Variants in ARHGAP5 observed in about 807,000 individuals in gnomAD.
ARHGAP5 encodes the protein Rho GTPase activating protein 5.
Under a neutral mutation model 116.6 loss-of-function variants are expected in ARHGAP5, and 23 were observed. That is an observed-to-expected ratio of 0.20 (90% CI 0.14 to 0.28). The LOEUF is 0.28. ARHGAP5 is among the 10% of genes least tolerant of loss of function. The probability of loss-of-function intolerance (pLI) is 1.00; values close to 1 mark genes in which losing one functional copy is unlikely to be tolerated. For synonymous variants in ARHGAP5, 574 were observed against 602.0 expected, an observed-to-expected ratio of 0.95 and a Z score of 0.68; for missense variants, 1,405 against 1,774.8, an observed-to-expected ratio of 0.79 and a Z score of 3.74.
In ARHGAP5 at chr14:32,117,179, A is replaced by G. The variant is rs765313140; in HGVS notation, c.3757A>G (p.Arg1253Gly). The G allele has an allele frequency of 3.1e-6, 5 of 1,611,868 alleles. No individual in the cohort carries two copies. Among genetic ancestry groups the G allele is most frequent in the Non-Finnish European group, 4.2e-6 (5 of 1,178,798 alleles). Residue 1253 changes from arginine to glycine, a missense_variant, in exon 3 of 7, where the codon AGA becomes GGA. Arg to Gly is a moderately radical substitution (Grantham distance 125, BLOSUM62 -2). Around this residue, in one of 6 missense-constraint regions of ARHGAP5, gnomAD observed 176 missense variants for 221.2 expected, o/e 0.80. Coordinates refer to ENST00000345122, the MANE Select transcript of ARHGAP5 (RefSeq NM_001030055.2). ...TAAGAACTTCAATCCACCAACACGT[A>G]GAAATTGGGAAAGTAATTACTTTGG... The part of the protein sequence containing the change: ...KTKNFNPPTR[R>G]NWESNYFGMP...
At position 32,142,704 on chromosome 14, in the gene ARHGAP5, G is replaced by A. The variant is rs562889248; in HGVS notation, c.3866-3559G>A. Among the ~76,000 whole-genome samples, 7 of 152,336 alleles carry A rather than the reference G, an allele frequency of 4.6e-5. No homozygotes were observed. The East Asian group carries it at 1.2e-3, about 25-fold the overall frequency. On this transcript the variant is annotated intron_variant, in intron 3 of 6. Coordinates refer to ENST00000345122, the MANE Select transcript of ARHGAP5 (RefSeq NM_001030055.2). ...GGCACTTGTGTAACCCACACCCACAGTGCAGGCTACTGTCCTCATGATTGT... is the reference window on the plus strand; with the variant it reads ...GGCACTTGTGTAACCCACACCCACAATGCAGGCTACTGTCCTCATGATTGT...
intron 1 of ARHGAP5, among the ~76,000 whole-genome samples, chr14:32,079,545 C>T (rs1478711433): frequency 1.3e-5 from 2 of 152,064 alleles, no homozygotes; most frequent in Admixed American, 6.6e-5. Context: ...TTATTTTGAC[C>T]TTGAAAGTTA....
At chr14:32,103,203 A>G (rs370894792) in intron 2 of ARHGAP5, among the ~76,000 whole-genome samples, 4 of 152,360 alleles carry the variant, frequency 2.6e-5, no homozygotes, top group Middle Eastern at 3.4e-3. Context: ...TTATGATAAC[A>G]TAAGTGTGGA....
rs368248198 is a variant in ARHGAP5 at position 32,118,478 on chromosome 14, CAG to C, written c.3865+1194_3865+1195del. On this transcript the variant is annotated intron_variant, in intron 3 of 6. Transcript: ENST00000345122. ...TGCCACCTGCACTCCAGCCTGGTGA[CAG>C]AGTGAGACTCCATCTCAAAAAAAAA... 3.0e-4 allele frequency among the ~76,000 whole-genome samples: 45 copies of C among 151,640 alleles called. No individual in the cohort carries two copies. The East Asian group carries it at 7.8e-3, about 26-fold the overall frequency.
At chr14:32,100,624 A>G (rs1323884802) in intron 2 of ARHGAP5, among the ~76,000 whole-genome samples, 1 of 152,240 alleles carries the variant, frequency 6.6e-6, no homozygotes, top group Non-Finnish European at 1.5e-5. Flanking sequence ...ATATGCAAAT[A>G]CTATACCATT....
intron 3 of ARHGAP5, among the ~76,000 whole-genome samples, chr14:32,121,566 G>T (rs1172347700): frequency 6.6e-6 from 1 of 152,078 alleles, no homozygotes; most frequent in Non-Finnish European, 1.5e-5. Flanking sequence ...GTTTTTGAAA[G>T]ATATTTTCTT....
At chr14:32,142,546 A>G (rs1881175356) in intron 3 of ARHGAP5, among the ~76,000 whole-genome samples, 1 of 152,222 alleles carries the variant, frequency 6.6e-6, no homozygotes, top group African/African-American at 2.4e-5. Flanking sequence ...TCTGGAGCCA[A>G]GGGAAAAACA....
At chr14:32,079,018 C>G (rs527243147) in intron 1 of ARHGAP5, among the ~76,000 whole-genome samples, 1 of 152,240 alleles carries the variant, frequency 6.6e-6, no homozygotes, top group African/African-American at 2.4e-5. Context: ...AATTGACCTC[C>G]ATTACCTTTA....
chr14:32,119,179 G>A (rs140307020), intron 3 of ARHGAP5, among the ~76,000 whole-genome samples: 2 of 151,918 alleles, frequency 1.3e-5, no homozygotes, highest in South Asian at 2.1e-4. Flanking sequence ...AATTGCCTAC[G>A]AGATTGTTTG....
At chr14:32,103,379 A>C (rs1245390022) in intron 2 of ARHGAP5, among the ~76,000 whole-genome samples, 1 of 152,184 alleles carries the variant, frequency 6.6e-6, no homozygotes, top group African/African-American at 2.4e-5. Context: ...TTAAGACTTA[A>C]TTGGAAAGAT....
Position 32,156,255 on chromosome 14 carries a change from C to T in ARHGAP5, c.*1307C>T, listed in dbSNP as rs1881888214. 1 of 152,282 alleles carries T rather than the reference C, an allele frequency of 6.6e-6. No individual in the cohort carries two copies. The highest frequency in any genetic ancestry group is 1.5e-5 in the Non-Finnish European group (1 of 67,850). 9.4% of individuals were successfully genotyped at this position (152,282 alleles called of 1,614,324 possible). A position where few individuals can be genotyped will look rare whatever the true frequency, so the allele number is the denominator to read the frequency against. On this transcript the variant is annotated 3_prime_UTR_variant, in exon 7 of 7. Coordinates refer to ENST00000345122, the MANE Select transcript of ARHGAP5 (RefSeq NM_001030055.2). The stretch of plus-strand genomic sequence containing the variant: ...GAATAGGTGGCACAGGTAAATTTCA[C>T]TAGGTTATATTTTGTGTAGTAAAGA...
Position 32,093,492 on chromosome 14 carries a change from A to G in ARHGAP5, c.2823A>G (p.Lys941=). The G allele has an allele frequency of 1.2e-6, 2 of 1,612,666 alleles. No individual in the cohort carries two copies. Among genetic ancestry groups the G allele is most frequent in the African/African-American group, 1.3e-5 (1 of 74,858 alleles). The part of the protein sequence containing the change: ...FTLFFSDVLE[K]KNMIENSYLS... ...TGTTTTTTAGTGATGTTCTAGAGAA[A>G]AAAAATATGATAGAAAATTCTTATT... The change falls in exon 2 of 7, where the codon AAA becomes AAG. Residue 941 remains lysine (K), a synonymous_variant. Coordinates refer to ENST00000345122, the MANE Select transcript of ARHGAP5 (RefSeq NM_001030055.2).
chr14:32,078,576 A>ACTTTACTTCGC (rs1257991855), intron 1 of ARHGAP5, among the ~76,000 whole-genome samples: 1 of 152,034 alleles, frequency 6.6e-6, no homozygotes, highest in Non-Finnish European at 1.5e-5. Flanking sequence ...GCTTCGCTGT[A>ACTTTACTTCGC]TTTACTAGTA....
chr14:32,097,222 T>C (rs1378290909), intron 2 of ARHGAP5, among the ~76,000 whole-genome samples: 1 of 152,208 alleles, frequency 6.6e-6, no homozygotes, highest in Non-Finnish European at 1.5e-5. Context: ...CCAAGGGTTT[T>C]AAATAAGGGA....
At chr14:32,078,746 G>C (rs1457261008) in intron 1 of ARHGAP5, among the ~76,000 whole-genome samples, 3 of 152,080 alleles carry the variant, frequency 2.0e-5, no homozygotes, top group Admixed American at 6.5e-5. Context: ...ACTTAAAATG[G>C]TTCTCCTAAC....
rs1436812668 is a variant in ARHGAP5, at chr14:32,157,942, A to G, written c.*2994A>G. 3 of 151,522 alleles carry G rather than the reference A, an allele frequency of 2.0e-5. No homozygotes were observed. In the East Asian group the frequency reaches 5.8e-4, roughly 29 times the overall value. 9.4% of individuals were successfully genotyped at this position (151,522 alleles called of 1,614,324 possible). On this transcript the variant is annotated 3_prime_UTR_variant, in exon 7 of 7. Coordinates refer to ENST00000345122, the MANE Select transcript of ARHGAP5 (RefSeq NM_001030055.2). Reference sequence around the variant, plus strand: ...TCCATGGTGATTTTTAGTTTTTTATACAGTAATAATTGTGATGCTATTTGT... The same window carrying G: ...TCCATGGTGATTTTTAGTTTTTTATGCAGTAATAATTGTGATGCTATTTGT...
chr14:32,153,051 GTTTTTTTT>G (rs773823740), intron 6 of ARHGAP5, among the ~76,000 whole-genome samples: 1 of 79,918 alleles, frequency 1.3e-5, no homozygotes, highest in Admixed American at 2.0e-4. Context: ...GGTTTTTTTT[GTTTTTTTT>G]TTTTTTTAAA....
chr14:32,102,021 G>C (rs1012065023), intron 2 of ARHGAP5, among the ~76,000 whole-genome samples: 1 of 152,060 alleles, frequency 6.6e-6, no homozygotes, highest in Non-Finnish European at 1.5e-5. Context: ...AATACTTACA[G>C]ATCTGATGGG....
chr14:32,152,549 T>C, intron 6 of ARHGAP5, 21 bp downstream of exon 6: 1 of 1,407,334 alleles, frequency 7.1e-7, no homozygotes, highest in Non-Finnish European at 9.7e-7. Context: ...TTTTTTAGGG[T>C]TTTTTGGCAA....
Sources: gnomAD v4.1 joint callset for allele counts (sites outside exome capture counted in the v4.1 genomes callset) on GRCh38, gnomAD v4.1.1 for gene constraint, gnomAD v4.1.1 regional missense constraint, MANE v1.5 for transcripts, NCBI Gene and HGNC (gene_info 2026-07-23, HGNC 2026-07-21) for gene names.